The following SUMF1 variants were observed in gnomAD, a reference collection of about 807,000 sequenced individuals.
SUMF1 encodes the protein formylglycine-generating enzyme.
A neutral mutation model predicts 47.6 loss-of-function variants in SUMF1; 48 were observed. The ratio of observed to expected loss-of-function variants is 1.01; its 90% confidence interval spans 0.80 to 1.28. SUMF1 has a LOEUF of 1.28. Among genes scored for constraint, SUMF1 ranks in the 50% most tolerant of loss-of-function variants. SUMF1 has a pLI of 0.00. For synonymous variants in SUMF1, 230 were observed against 192.1 expected (o/e 1.20, Z -1.63); for missense variants, 571 against 485.4 (o/e 1.18, Z -1.66).
intron 8 of SUMF1, among the ~76,000 whole-genome samples, chr3:4,295,929 G>A (rs1697840953): frequency 6.6e-6 from 1 of 152,062 alleles, no homozygotes; most frequent in Non-Finnish European, 1.5e-5. Context: ...TAAAAACATA[G>A]GACAAGATGG....
chr3:4,210,841 C>A (rs1158031682), intron 8 of SUMF1, among the ~76,000 whole-genome samples: 2 of 151,706 alleles, frequency 1.3e-5, no homozygotes, highest in Non-Finnish European at 2.9e-5. Flanking sequence ...GAAAGGCAGA[C>A]CCACCCTTGA....
intron 8 of SUMF1, among the ~76,000 whole-genome samples, chr3:4,258,105 A>T (rs1398051155): frequency 6.6e-6 from 1 of 150,640 alleles, no homozygotes; most frequent in Non-Finnish European, 1.5e-5. Flanking sequence ...TTATACAAAA[A>T]TCAATTCAAG....
At chr3:4,394,116 T>C (rs1360718938) in intron 7 of SUMF1, among the ~76,000 whole-genome samples, 1 of 152,096 alleles carries the variant, frequency 6.6e-6, no homozygotes, top group Non-Finnish European at 1.5e-5. Context: ...TAGTTTTGTT[T>C]TTATTATTAT....
At chr3:4,223,116 T>A (rs529393230) in intron 8 of SUMF1, among the ~76,000 whole-genome samples, 158 of 151,650 alleles carry the variant, frequency 1.0e-3, no homozygotes, top group Non-Finnish European at 1.1e-3. Flanking sequence ...TATACCTTTT[T>A]AAAAAAAAAT....
chr3:4,261,456 G>C (rs560247368), intron 8 of SUMF1, among the ~76,000 whole-genome samples: 4 of 152,310 alleles, frequency 2.6e-5, no homozygotes, highest in Non-Finnish European at 4.4e-5. Context: ...ACTGGGAACT[G>C]AATTTGCTGT....
chr3:4,359,932 G>A (rs1486368556), downstream of SUMF1, among the ~76,000 whole-genome samples: 3 of 152,094 alleles, frequency 2.0e-5, no homozygotes, highest in Non-Finnish European at 4.4e-5. Flanking sequence ...ATGAGCCACC[G>A]TCCCCAACTT....
At chr3:4,393,052 T>C (rs1160483119) in intron 7 of SUMF1, among the ~76,000 whole-genome samples, 1 of 152,192 alleles carries the variant, frequency 6.6e-6, no homozygotes, top group Non-Finnish European at 1.5e-5. Flanking sequence ...TCCCTGCTTA[T>C]GTTTAGTTTC....
intron 1 of SUMF1, among the ~76,000 whole-genome samples, chr3:4,466,743 T>C (rs2079957417): frequency 1.3e-5 from 2 of 152,132 alleles, no homozygotes; most frequent in African/African-American, 4.8e-5. Flanking sequence ...GAGAAAGAAA[T>C]AGGGGGTAAA....
chr3:4,303,724 G>GT lies in SUMF1; in HGVS notation c.1014+72605dup, dbSNP rs762589482. On this transcript the variant is annotated intron_variant and NMD_transcript_variant, in intron 8 of 12. Transcript: ENST00000448413. ...GACCCACGGCATCACCTTAGCAAGG[G>GT]TGTTGTCCTTTTCAGTCCATTCCCT... 45 of 1,502,692 alleles carry GT rather than the reference G, an allele frequency of 3.0e-5. No homozygotes were observed. In the South Asian group the frequency reaches 5.5e-4, roughly 18 times the overall value. 93.1% of individuals were successfully genotyped at this position (1,502,692 alleles called of 1,614,324 possible). A position where few individuals can be genotyped will look rare whatever the true frequency, so the allele number is the denominator to read the frequency against.
chr3:4,296,378 G>A (rs1016867076), intron 8 of SUMF1, among the ~76,000 whole-genome samples: 17 of 151,052 alleles, frequency 1.1e-4, no homozygotes, highest in African/African-American at 3.2e-4. Context: ...CTTCTATACA[G>A]AGCTGTATGA....
chr3:4,098,490 T>C (rs1056082516), intron 8 of SUMF1, among the ~76,000 whole-genome samples: 1 of 152,162 alleles, frequency 6.6e-6, no homozygotes, highest in Non-Finnish European at 1.5e-5. Context: ...ATTTCTCTTG[T>C]ATTCTTCTAT....
At chr3:4,189,147 ATTATC>A (rs1329730108) in intron 8 of SUMF1, among the ~76,000 whole-genome samples, 2 of 152,152 alleles carry the variant, frequency 1.3e-5, no homozygotes, top group African/African-American at 2.4e-5. Context: ...CACCAGTAAT[ATTATC>A]TTAATATAAT....
Position 4,448,103 on chromosome 3 carries a change from C to G in SUMF1, c.519+1163G>C, listed in dbSNP as rs12107764. On this transcript the variant is annotated intron_variant, in intron 3 of 8. Transcript: ENST00000272902. Reference sequence around the variant, plus strand: ...ATTAGACTTATAAACTTGTAAGGAGCAAAGAAAGCTGTGAAATTCGAATGG... The same window carrying G: ...ATTAGACTTATAAACTTGTAAGGAGGAAAGAAAGCTGTGAAATTCGAATGG... Among the ~76,000 whole-genome samples, 211 of 152,042 alleles carry G rather than the reference C, an allele frequency of 1.4e-3. 1 individual carries two copies. Among genetic ancestry groups the G allele is most frequent in the African/African-American group, 4.9e-3 (202 of 41,476 alleles).
chr3:4,136,791 C>T (rs1693943611), intron 8 of SUMF1, among the ~76,000 whole-genome samples: 1 of 150,862 alleles, frequency 6.6e-6, no homozygotes, highest in Admixed American at 6.6e-5. Flanking sequence ...AACAAACAAC[C>T]CCATCAAAAA....
intron 8 of SUMF1, among the ~76,000 whole-genome samples, chr3:4,123,629 C>T (rs895530706): frequency 2.0e-5 from 3 of 152,112 alleles, no homozygotes; most frequent in Non-Finnish European, 4.4e-5. Flanking sequence ...AAAAGCAGAA[C>T]TAGGAAAGTA....
chr3:4,159,802 T>G lies in SUMF1; in HGVS notation c.1015-91057A>C, dbSNP rs190225380. On this transcript the variant is annotated intron_variant and NMD_transcript_variant, in intron 8 of 12. Transcript: ENST00000448413. ...AGAAAGTCTTAATTTCTCTTTTATG[T>G]TTGAAGGATATTTTCACTGGACATA... Among the ~76,000 whole-genome samples, 151 of 152,300 alleles carry G rather than the reference T, an allele frequency of 9.9e-4. 1 individual carries two copies. Among genetic ancestry groups the G allele is most frequent in the Middle Eastern group, 3.4e-3 (1 of 294 alleles).
intron 7 of SUMF1, among the ~76,000 whole-genome samples, chr3:4,402,660 C>T (rs191395142): frequency 1.2e-3 from 178 of 152,214 alleles, no homozygotes; most frequent in Non-Finnish European, 1.8e-3. Context: ...GAAGGGAAAG[C>T]GACCACCATC....
intron 8 of SUMF1, among the ~76,000 whole-genome samples, chr3:4,210,260 A>G (rs1028392110): frequency 7.9e-5 from 12 of 152,308 alleles, no homozygotes; most frequent in Non-Finnish European, 1.6e-4. Flanking sequence ...TGCAATCCAA[A>G]TAAAAATTCC....
At chr3:4,036,877 A>G (rs1559417073) in intron 9 of SUMF1, among the ~76,000 whole-genome samples, 1 of 142,190 alleles carries the variant, frequency 7.0e-6, no homozygotes, top group East Asian at 2.0e-4. Context: ...AAAAAAAGAG[A>G]CCATGGTGAA....
Sources: gnomAD v4.1 joint callset for allele counts (sites outside exome capture counted in the v4.1 genomes callset) on GRCh38, gnomAD v4.1.1 for gene constraint, MANE v1.5 for transcripts, NCBI Gene and HGNC (gene_info 2026-07-23, HGNC 2026-07-21) for gene names.